The following LRP1B variants were observed in gnomAD, a reference collection of about 807,000 sequenced individuals.
The protein encoded by LRP1B is low-density lipoprotein receptor-related protein 1B.
LRP1B carries 217 observed loss-of-function variants against 556.6 expected under a neutral mutation model. The observed-to-expected ratio is 0.39, with a 90% CI of 0.35 to 0.44. LRP1B has a LOEUF of 0.44. Ranked by LOEUF, LRP1B falls within the 20% of genes least tolerant of loss-of-function variation. The probability of loss-of-function intolerance (pLI) is 1.00; values close to 1 mark genes in which losing one functional copy is unlikely to be tolerated. For synonymous variants in LRP1B, 2,047 were observed against 1,865.8 expected, an observed-to-expected ratio of 1.10 and a Z score of -2.50; for missense variants, 5,053 against 5,620.8, an observed-to-expected ratio of 0.90 and a Z score of 3.23.
At chr2:141,031,340 A>G (rs1054878673) in intron 11 of LRP1B, among the ~76,000 whole-genome samples, 1 of 151,578 alleles carries the variant, frequency 6.6e-6, no homozygotes, top group Admixed American at 6.6e-5. Flanking sequence ...TAAAACTTAT[A>G]TCAGAATTGA....
chr2:141,639,040 A>C (rs1348195433), intron 2 of LRP1B, among the ~76,000 whole-genome samples: 1 of 112,896 alleles, frequency 8.9e-6, no homozygotes, highest in Non-Finnish European at 2.0e-5. Flanking sequence ...TCTTTATAGC[A>C]ATGCAAGAAT....
chr2:140,735,416 G>A (rs1687913902), intron 35 of LRP1B, among the ~76,000 whole-genome samples: 1 of 152,278 alleles, frequency 6.6e-6, no homozygotes, highest in East Asian at 1.9e-4. Flanking sequence ...AGATTACAAA[G>A]AGGCTCATAA....
intron 67 of LRP1B, among the ~76,000 whole-genome samples, chr2:140,381,755 G>C (rs1437262088): frequency 6.6e-6 from 1 of 151,414 alleles, no homozygotes; most frequent in African/African-American, 2.4e-5. Flanking sequence ...CCAGCTACTT[G>C]GGGGGCTGAG....
intron 22 of LRP1B, among the ~76,000 whole-genome samples, chr2:140,906,266 T>A (rs1694251750): frequency 6.6e-6 from 1 of 152,184 alleles, no homozygotes; most frequent in Non-Finnish European, 1.5e-5. Context: ...CTTTAAGTAA[T>A]GACCATATGG....
intron 3 of LRP1B, among the ~76,000 whole-genome samples, chr2:141,270,993 A>G (rs909164567): frequency 1.3e-5 from 2 of 152,058 alleles, no homozygotes; most frequent in African/African-American, 2.4e-5. Context: ...ATTAAAAAGA[A>G]GTAAATGAAG....
chr2:140,788,294 A>G (rs1689980311), intron 32 of LRP1B, among the ~76,000 whole-genome samples: 1 of 152,202 alleles, frequency 6.6e-6, no homozygotes, highest in Non-Finnish European at 1.5e-5. Context: ...ACTCGGAAAA[A>G]TATTTCCACC....
At chr2:141,670,154 AT>A (rs1278211218) in intron 2 of LRP1B, among the ~76,000 whole-genome samples, 5 of 151,832 alleles carry the variant, frequency 3.3e-5, no homozygotes, top group Non-Finnish European at 5.9e-5. Context: ...ACACATTTTT[AT>A]TTTTTTCTGA....
In LRP1B at chr2:140,700,178, A is replaced by G. The variant is rs1400416024; in HGVS notation, c.6799+72T>C. ...GAAAATGTAATTGCTACATGCAATTACCACTATTATTTCTCTAGTAATCTA... is the reference window on the plus strand; with the variant it reads ...GAAAATGTAATTGCTACATGCAATTGCCACTATTATTTCTCTAGTAATCTA... On this transcript the variant is annotated intron_variant, in intron 41 of 90. Coordinates refer to ENST00000389484, the MANE Select transcript of LRP1B (RefSeq NM_018557.3). The G allele has an allele frequency of 3.8e-6, 5 of 1,310,184 alleles. No individual in the cohort carries two copies. The African/African-American group carries it at 7.4e-5, about 19-fold the overall frequency. 81.2% of individuals were successfully genotyped at this position (1,310,184 alleles called of 1,614,324 possible).
At chr2:140,877,491 C>G (rs185774233) in intron 25 of LRP1B, among the ~76,000 whole-genome samples, 1 of 151,996 alleles carries the variant, frequency 6.6e-6, no homozygotes, top group Admixed American at 6.6e-5. Context: ...AAAGAAAAGG[C>G]GGGAAATGTG....
intron 60 of LRP1B, among the ~76,000 whole-genome samples, chr2:140,472,142 G>A (rs1390639942): frequency 2.6e-5 from 4 of 152,102 alleles, no homozygotes; most frequent in Admixed American, 2.0e-4. Context: ...TTCTCTGAAG[G>A]TAGAGACTCA....
At chr2:141,516,881 G>A (rs1684331004) in intron 2 of LRP1B, among the ~76,000 whole-genome samples, 1 of 150,700 alleles carries the variant, frequency 6.6e-6, no homozygotes, top group African/African-American at 2.4e-5. Flanking sequence ...AATTTTTGGA[G>A]AGATGGAGTT....
At chr2:142,102,751 A>G (rs765481222) in intron 1 of LRP1B, among the ~76,000 whole-genome samples, 37 of 151,830 alleles carry the variant, frequency 2.4e-4, no homozygotes, top group Admixed American at 5.9e-4. Context: ...AATTTATTCT[A>G]TGTGTCCAAG....
chr2:140,491,902 C>A (rs561788365), intron 57 of LRP1B, among the ~76,000 whole-genome samples: 1 of 152,202 alleles, frequency 6.6e-6, no homozygotes, highest in East Asian at 1.9e-4. Context: ...CAGGATAAGG[C>A]GAGTGTACAT....
intron 2 of LRP1B, among the ~76,000 whole-genome samples, chr2:141,554,873 C>A (rs1685904810): frequency 6.6e-6 from 1 of 151,952 alleles, no homozygotes; most frequent in Non-Finnish European, 1.5e-5. Flanking sequence ...TTGAGTCCCT[C>A]CCAAATTACT....
chr2:140,658,314 CA>C (rs1217398894), intron 41 of LRP1B, among the ~76,000 whole-genome samples: 1 of 151,956 alleles, frequency 6.6e-6, no homozygotes, highest in East Asian at 1.9e-4. Flanking sequence ...AAATTATATA[CA>C]AAAGGAAGTT....
chr2:140,830,692 C>G (rs1382384065), intron 31 of LRP1B, among the ~76,000 whole-genome samples: 1 of 152,048 alleles, frequency 6.6e-6, no homozygotes, highest in Non-Finnish European at 1.5e-5. Context: ...AGTTCTGGAA[C>G]AAGACAAGGA....
chr2:140,686,877 G>C (rs1686069814), intron 41 of LRP1B, among the ~76,000 whole-genome samples: 1 of 152,064 alleles, frequency 6.6e-6, no homozygotes, highest in African/African-American at 2.4e-5. Flanking sequence ...GTATAGGAAA[G>C]TGGTAGGAAC....
chr2:142,044,288 C>T (rs1704177647), intron 1 of LRP1B, among the ~76,000 whole-genome samples: 1 of 151,756 alleles, frequency 6.6e-6, no homozygotes, highest in Non-Finnish European at 1.5e-5. Context: ...AATTCTGAAT[C>T]ACTGATTAGG....
intron 7 of LRP1B, among the ~76,000 whole-genome samples, chr2:141,175,265 G>C (rs1680685251): frequency 6.6e-6 from 1 of 152,152 alleles, no homozygotes; most frequent in Non-Finnish European, 1.5e-5. Flanking sequence ...ATGCAAGGCA[G>C]CTACAAAACT....
Sources: gnomAD v4.1 joint callset for allele counts (sites outside exome capture counted in the v4.1 genomes callset) on GRCh38, gnomAD v4.1.1 for gene constraint, MANE v1.5 for transcripts, NCBI Gene and HGNC (gene_info 2026-07-23, HGNC 2026-07-21) for gene names.